The following ZNF675 variants were observed in gnomAD, a reference collection of about 807,000 sequenced individuals.
The protein encoded by ZNF675 is zinc finger protein 675.
A neutral mutation model predicts 56.1 loss-of-function variants in ZNF675; 36 were observed. That is an observed-to-expected ratio of 0.64 (90% CI 0.49 to 0.85). The LOEUF (loss-of-function observed/expected upper bound fraction) is 0.85. ZNF675 is among the 40% of genes least tolerant of loss of function. The pLI is 0.00. For synonymous variants in ZNF675, 200 were observed against 218.9 expected, an observed-to-expected ratio of 0.91 and a Z score of 0.76; for missense variants, 663 against 654.2, an observed-to-expected ratio of 1.01 and a Z score of -0.15.
intron 3 of ZNF675, chr19:23,655,169 T>A (rs2144917644): frequency 6.7e-6 from 1 of 149,958 alleles, no homozygotes; most frequent in South Asian, 2.1e-4. Flanking sequence ...CCTGGGAGGA[T>A]AAGGTTGCAG....
At chr19:23,686,182 T>C (rs1968439652) in intron 1 of ZNF675, 1 of 152,220 alleles carries the variant, frequency 6.6e-6, no homozygotes, top group African/African-American at 2.4e-5. Context: ...CATGTACCTT[T>C]AAAAGTCTTT....
chr19:23,664,843 TGGAAGGCAGAGGCAGGAG>T (rs1238516195), intron 1 of ZNF675, among the ~76,000 whole-genome samples: 1 of 151,824 alleles, frequency 6.6e-6, no homozygotes, highest in Non-Finnish European at 1.5e-5. Flanking sequence ...CTCAGCTACT[TGGAAGGCAGAGGCAGGAG>T]AATCGTTTAA....
chr19:23,677,972 T>C (rs1443315818), intron 1 of ZNF675, among the ~76,000 whole-genome samples: 3 of 151,282 alleles, frequency 2.0e-5, no homozygotes, highest in Non-Finnish European at 4.4e-5. Context: ...AATACAAAAT[T>C]AGCACGGGGT....
At chr19:23,675,898 C>T (rs953962975) in intron 1 of ZNF675, among the ~76,000 whole-genome samples, 2 of 147,172 alleles carry the variant, frequency 1.4e-5, no homozygotes, top group African/African-American at 5.1e-5. Context: ...ACAAAAAAGA[C>T]TAAAAAATTA....
At chr19:23,665,817 C>T (rs1018664589) in intron 1 of ZNF675, among the ~76,000 whole-genome samples, 3 of 152,124 alleles carry the variant, frequency 2.0e-5, no homozygotes, top group Admixed American at 6.5e-5. Flanking sequence ...GTATTTTAAA[C>T]CCATTAATGT....
At chr19:23,678,281 G>C (rs1305550358) in intron 1 of ZNF675, among the ~76,000 whole-genome samples, 1 of 147,276 alleles carries the variant, frequency 6.8e-6, no homozygotes, top group African/African-American at 2.5e-5. Flanking sequence ...TTTTTTGACG[G>C]AGTTTGGTTC....
intron 3 of ZNF675, among the ~76,000 whole-genome samples, chr19:23,661,022 C>T (rs572361441): frequency 3.3e-5 from 5 of 151,750 alleles, no homozygotes; most frequent in South Asian, 4.2e-4. Context: ...CTCCACCTCC[C>T]GGGTTCAAGC....
chr19:23,653,481 T>A lies in ZNF675; in HGVS notation c.1452A>T (p.Glu484Asp), dbSNP rs1910361409. The change falls in exon 4 of 4, where the codon GAA (glutamate) becomes GAT (aspartate). Residue 484 changes from glutamate to aspartate, a missense_variant. This residue lies in a region of ZNF675 where 617 missense variants were observed against 590.5 expected (regional missense o/e 1.04). Transcript: ENST00000359788. ...HSGEIPYKCE[E>D]CGKAFKHSSS... Reference sequence around the variant, plus strand: ...AGGAGTGTTTAAAAGCTTTGCCACATTCTTCACACTTGTAGGGTATCTCTC... The same window carrying A: ...AGGAGTGTTTAAAAGCTTTGCCACAATCTTCACACTTGTAGGGTATCTCTC... 2 of 1,613,458 alleles carry A rather than the reference T, an allele frequency of 1.2e-6. No homozygotes were observed. Among genetic ancestry groups the A allele is most frequent in the Admixed American group, 1.7e-5 (1 of 59,978 alleles).
At chr19:23,681,962 G>A (rs1166508320) in intron 1 of ZNF675, among the ~76,000 whole-genome samples, 2 of 151,674 alleles carry the variant, frequency 1.3e-5, no homozygotes, top group Non-Finnish European at 2.9e-5. Context: ...CTCCATCTTT[G>A]TATTCTCCAA....
chr19:23,674,395 C>T (rs939233726), intron 1 of ZNF675, among the ~76,000 whole-genome samples: 3 of 151,568 alleles, frequency 2.0e-5, no homozygotes, highest in African/African-American at 7.3e-5. Flanking sequence ...GTAATCCCAG[C>T]ACTTTGGGAG....
At chr19:23,671,833 GT>G (rs1599419140) in intron 1 of ZNF675, among the ~76,000 whole-genome samples, 2 of 151,960 alleles carry the variant, frequency 1.3e-5, no homozygotes, top group East Asian at 3.9e-4. Context: ...CCTCTTCCTT[GT>G]TTTTCACCTA....
chr19:23,678,852 A>G (rs1968336592), intron 1 of ZNF675, among the ~76,000 whole-genome samples: 1 of 151,658 alleles, frequency 6.6e-6, no homozygotes, highest in African/African-American at 2.4e-5. Flanking sequence ...TTTAAATGTT[A>G]TTTAAATTTT....
chr19:23,677,026 G>A (rs1968305823), intron 1 of ZNF675, among the ~76,000 whole-genome samples: 1 of 148,668 alleles, frequency 6.7e-6, no homozygotes, highest in African/African-American at 2.5e-5. Context: ...GCAGTGAGCC[G>A]AGATTGCGCC....
At chr19:23,669,839 C>A (rs1410368918) in intron 1 of ZNF675, among the ~76,000 whole-genome samples, 3 of 139,904 alleles carry the variant, frequency 2.1e-5, no homozygotes, top group African/African-American at 5.4e-5. Flanking sequence ...GACAACAGAG[C>A]AAGACTCTGT....
In ZNF675 at chr19:23,654,149, C is replaced by T. The variant is rs759349621; in HGVS notation, c.784G>A (p.Gly262Ser). 2.5e-6 allele frequency: 4 copies of T among 1,613,988 alleles called. No individual in the cohort carries two copies. The South Asian group carries it at 4.4e-5, about 18-fold the overall frequency. The change falls in exon 4 of 4, where the codon GGC (glycine) becomes AGC (serine). Residue 262 changes from glycine to serine, a missense_variant. Physicochemically the swap from Gly to Ser is moderately conservative, Grantham distance 56. Transcript: ENST00000359788. ...REKPYKCEEC[G>S]KAFNQSSHLT... Reference sequence around the variant, plus strand: ...TGTGAGGACTGGTTAAAGGCTTTGCCACATTCTTCACATTTGTATGGTTTC... The same window carrying T: ...TGTGAGGACTGGTTAAAGGCTTTGCTACATTCTTCACATTTGTATGGTTTC...
chr19:23,686,139 AC>A (rs1209210279), intron 1 of ZNF675: 3 of 152,166 alleles, frequency 2.0e-5, no homozygotes, highest in Non-Finnish European at 4.4e-5. Flanking sequence ...TATGAACTGT[AC>A]CTAACCAATT....
chr19:23,661,654 C>T (rs10415741), intron 3 of ZNF675, among the ~76,000 whole-genome samples: 148,589 of 152,118 alleles, frequency 0.98, 72,678 homozygotes, highest in Middle Eastern at 1. Flanking sequence ...TGTAGCACTG[C>T]ACCCCAGCCT....
intron 3 of ZNF675, chr19:23,658,653 C>A (rs1217279548): frequency 6.6e-6 from 1 of 151,860 alleles, no homozygotes; most frequent in Non-Finnish European, 1.5e-5. Context: ...GAACTTCAGG[C>A]TGGACGACAG....
intron 1 of ZNF675, among the ~76,000 whole-genome samples, chr19:23,681,769 T>C (rs1968379432): frequency 6.6e-6 from 1 of 151,758 alleles, no homozygotes; most frequent in Admixed American, 6.6e-5. Flanking sequence ...TTTCCTCAAG[T>C]TCAGTAATAT....
Sources: allele counts gnomAD v4.1 joint callset (sites outside exome capture counted in the v4.1 genomes callset), GRCh38; gene constraint gnomAD v4.1.1; regional missense constraint gnomAD v4.1.1; transcripts MANE v1.5; gene names NCBI Gene and HGNC (gene_info 2026-07-23, HGNC 2026-07-21).